Variants in SLC5A4 observed in about 807,000 individuals in gnomAD.
SLC5A4 encodes probable glucose sensor protein SLC5A4.
A neutral mutation model predicts 70.3 loss-of-function variants in SLC5A4; 55 were observed. The ratio of observed to expected loss-of-function variants is 0.78; its 90% CI spans 0.63 to 0.98. The LOEUF (loss-of-function observed/expected upper bound fraction) is 0.98, where lower values mean the gene tolerates loss of function less well. Among genes scored for constraint, SLC5A4 ranks in the 50% least tolerant of loss-of-function variants. The probability of loss-of-function intolerance (pLI) is 0.00; values close to 1 mark genes in which losing one functional copy is unlikely to be tolerated. For synonymous variants in SLC5A4, 268 were observed against 305.7 expected, an observed-to-expected ratio of 0.88 and a Z score of 1.29; for missense variants, 735 against 839.2, an observed-to-expected ratio of 0.88 and a Z score of 1.53.
upstream of SLC5A4, among the ~76,000 whole-genome samples, chr22:32,258,444 C>CA (rs947103855): frequency 4.6e-5 from 7 of 151,964 alleles, no homozygotes; most frequent in East Asian, 1.2e-3. Context: ...AGACATTTCT[C>CA]AAAAAAACAC....
the SLC5A4 span, among the ~76,000 whole-genome samples, chr22:32,343,834 T>C: frequency 6.6e-6 from 1 of 152,172 alleles, no homozygotes; most frequent in Non-Finnish European, 1.5e-5. Flanking sequence ...AATACACATT[T>C]TAAGGAGTGA....
At chr22:32,327,865 G>A in the SLC5A4 span, among the ~76,000 whole-genome samples, 1 of 152,196 alleles carries the variant, frequency 6.6e-6, no homozygotes, top group Non-Finnish European at 1.5e-5. Flanking sequence ...GCACTCTGAG[G>A]AATGCTCTCT....
the SLC5A4 span, among the ~76,000 whole-genome samples, chr22:32,331,350 A>G: frequency 6.6e-6 from 1 of 152,052 alleles, no homozygotes; most frequent in East Asian, 1.9e-4. Context: ...AAATGGCAAG[A>G]AAAACGCCGC....
At chr22:32,334,989 C>T in the SLC5A4 span, among the ~76,000 whole-genome samples, 8 of 152,184 alleles carry the variant, frequency 5.3e-5, no homozygotes, top group South Asian at 2.1e-4. Flanking sequence ...AGAGAAGGGA[C>T]GCTCCGCAGT....
the SLC5A4 span, chr22:32,273,541 C>G: frequency 1.3e-5 from 2 of 156,564 alleles, no homozygotes. Context: ...CCTAAATGCT[C>G]TAGTATAGTA....
At chr22:32,269,050 A>G in the SLC5A4 span, among the ~76,000 whole-genome samples, 3 of 152,004 alleles carry the variant, frequency 2.0e-5, no homozygotes, top group Non-Finnish European at 2.9e-5. The surrounding 1 kb of genome is among the most constrained non-coding windows in gnomAD (Gnocchi z 4.1). Context: ...ATGCCACCAC[A>G]CCGGGCTAAT....
chr22:32,333,181 T>C, the SLC5A4 span, among the ~76,000 whole-genome samples: 1 of 144,666 alleles, frequency 6.9e-6, no homozygotes. Context: ...CCCAGGACTC[T>C]GCTCTAGCAC....
At chr22:32,224,186 C>T in intron 13 of SLC5A4, 81 bp downstream of exon 13, 1 of 1,084,412 alleles carries the variant, frequency 9.2e-7, no homozygotes, top group Non-Finnish European at 1.4e-6. Context: ...TCCCAAAGTG[C>T]TGGGATTACA....
chr22:32,275,939 G>T, the SLC5A4 span, among the ~76,000 whole-genome samples: 1 of 152,128 alleles, frequency 6.6e-6, no homozygotes, highest in Admixed American at 6.5e-5. Context: ...TCTCATTGTG[G>T]TTTTGATTTG....
At chr22:32,281,821 C>T in the SLC5A4 span, among the ~76,000 whole-genome samples, 1 of 151,794 alleles carries the variant, frequency 6.6e-6, no homozygotes, top group Admixed American at 6.6e-5. Context: ...CAGTCTTGAT[C>T]TCTACTCCTG....
the SLC5A4 span, among the ~76,000 whole-genome samples, chr22:32,326,037 C>A: frequency 2.0e-5 from 3 of 152,204 alleles, no homozygotes; most frequent in Non-Finnish European, 4.4e-5. Flanking sequence ...TACCTGCAAC[C>A]TAAGTGGGAA....
At chr22:32,351,751 G>GGGGGTGGGGGGAGGGA in the SLC5A4 span, among the ~76,000 whole-genome samples, 1 of 44,240 alleles carries the variant, frequency 2.3e-5, no homozygotes, top group Non-Finnish European at 3.5e-5. Flanking sequence ...GGGAGGGCGG[G>GGGGGTGGGGGGAGGGA]GGGGGGGTGG....
At position 32,229,184 on chromosome 22, in the gene SLC5A4, G is replaced by A. The variant is rs563541123; in HGVS notation, c.1280+10C>T. 6.2e-7 allele frequency: 1 copy of A among 1,612,562 alleles called. No individual in the cohort carries two copies. The highest frequency in any genetic ancestry group is 1.1e-5 in the South Asian group (1 of 90,874). The stretch of plus-strand genomic sequence containing the variant: ...CAGAGGATTCTAGGTGGGAACCAGG[G>A]TTCACTCACCGTCCAGCTATCAGGA... On this transcript the variant is annotated intron_variant, in intron 11 of 14. Coordinates refer to ENST00000266086, the MANE Select transcript of SLC5A4 (RefSeq NM_014227.3).
At chr22:32,273,354 A>G in the SLC5A4 span, 7 of 179,904 alleles carry the variant, frequency 3.9e-5, no homozygotes, top group Non-Finnish European at 7.0e-5. Flanking sequence ...CGGAAGGGGG[A>G]AACAGAAAAC....
chr22:32,347,884 C>G, the SLC5A4 span, among the ~76,000 whole-genome samples: 6 of 151,468 alleles, frequency 4.0e-5, no homozygotes, highest in African/African-American at 1.2e-4. Flanking sequence ...AGAAAATGAA[C>G]TCATAACTAT....
chr22:32,229,203 A>G lies in SLC5A4; in HGVS notation c.1271T>C (p.Ile424Thr), dbSNP rs776564701. ...ACCAGGGTTCACTCACCGTCCAGCT[A>G]TCAGGAGCTCTTTCTCCGACGCTTG... ...RKQASEKELL[I>T]AGRIFVLLLT... The change falls in exon 11 of 15, where the codon ATA becomes ACA. Residue 424 changes from isoleucine (I) to threonine (T), a missense_variant. Ile to Thr is a moderately conservative substitution (Grantham distance 89). Transcript: ENST00000266086. 5.0e-6 allele frequency: 8 copies of G among 1,613,954 alleles called. No homozygotes were observed. The African/African-American group carries it at 9.3e-5, about 19-fold the overall frequency.
chr22:32,346,003 A>G, the SLC5A4 span, among the ~76,000 whole-genome samples: 2 of 152,230 alleles, frequency 1.3e-5, no homozygotes, highest in Non-Finnish European at 2.9e-5. Flanking sequence ...TGGAAACAGA[A>G]TAACATACAT....
chr22:32,333,889 AC>A, the SLC5A4 span, among the ~76,000 whole-genome samples: 1 of 150,582 alleles, frequency 6.6e-6, no homozygotes, highest in South Asian at 2.1e-4. Context: ...ATACACACAC[AC>A]CCCATGCCAC....
intron 5 of SLC5A4, among the ~76,000 whole-genome samples, chr22:32,239,566 ATATTTATATATATATTTATATATATAT>A (rs1926352230): frequency 3.8e-4 from 9 of 23,516 alleles, no homozygotes; most frequent in African/African-American, 1.7e-3. Context: ...ATATATATAT[ATATTTATATATATATTTATATATATAT>A]AAATTATATA....
Sources: allele counts gnomAD v4.1 joint callset (sites outside exome capture counted in the v4.1 genomes callset), GRCh38; gene constraint gnomAD v4.1.1; non-coding constraint Gnocchi (gnomAD v3.1); transcripts MANE v1.5; gene names NCBI Gene and HGNC (gene_info 2026-07-23, HGNC 2026-07-21).